The following KCTD16 variants were observed in gnomAD, a reference collection of about 807,000 sequenced individuals.
KCTD16 encodes the protein BTB/POZ domain-containing protein KCTD16.
A neutral mutation model predicts 33.2 loss-of-function variants in KCTD16; 13 were observed. That is an observed-to-expected ratio of 0.39 (90% CI 0.25 to 0.62). The LOEUF is 0.62. Ranked by LOEUF, KCTD16 falls within the 20% of genes least tolerant of loss-of-function variation. The probability of loss-of-function intolerance (pLI) is 0.50; values close to 1 mark genes in which losing one functional copy is unlikely to be tolerated. For synonymous variants in KCTD16, 197 were observed against 195.3 expected (o/e 1.01, Z -0.07); for missense variants, 441 against 525.1 (o/e 0.84, Z 1.57).
chr5:144,174,869 A>G (rs372641345), intron 2 of KCTD16, among the ~76,000 whole-genome samples: 1 of 152,226 alleles, frequency 6.6e-6, no homozygotes, highest in Admixed American at 6.5e-5. Context: ...TTTTCATTGT[A>G]GAGATCAAAA....
chr5:144,310,490 G>A (rs2126877082), intron 3 of KCTD16, among the ~76,000 whole-genome samples: 1 of 152,116 alleles, frequency 6.6e-6, no homozygotes, highest in Non-Finnish European at 1.5e-5. Context: ...GTTTTCTATA[G>A]TGGCTATGCT....
intron 3 of KCTD16, among the ~76,000 whole-genome samples, chr5:144,455,451 T>G (rs996909125): frequency 2.6e-5 from 4 of 152,128 alleles, no homozygotes; most frequent in African/African-American, 9.7e-5. Flanking sequence ...GGCAGATAAT[T>G]TGGGAACCAA....
chr5:144,430,088 A>T (rs1378449127), intron 3 of KCTD16, among the ~76,000 whole-genome samples: 2 of 152,128 alleles, frequency 1.3e-5, no homozygotes, highest in East Asian at 3.9e-4. Flanking sequence ...AGCTGAATCT[A>T]TATGATATCT....
intron 3 of KCTD16, among the ~76,000 whole-genome samples, chr5:144,393,489 A>G (rs1752496216): frequency 6.6e-6 from 1 of 152,134 alleles, no homozygotes; most frequent in Non-Finnish European, 1.5e-5. Context: ...CCCCTAGGCA[A>G]CAAGTATAAT....
intron 3 of KCTD16, among the ~76,000 whole-genome samples, chr5:144,339,708 T>TCCTTC (rs1752579973): frequency 6.6e-6 from 1 of 152,202 alleles, no homozygotes; most frequent in African/African-American, 2.4e-5. Context: ...ATGCTTGCTT[T>TCCTTC]CCTTCCTCTC....
At chr5:144,446,665 A>G (rs1425130621) in intron 3 of KCTD16, among the ~76,000 whole-genome samples, 1 of 152,166 alleles carries the variant, frequency 6.6e-6, no homozygotes, top group Non-Finnish European at 1.5e-5. Flanking sequence ...CATCTGACAA[A>G]GGGCTAATAA....
intron 3 of KCTD16, among the ~76,000 whole-genome samples, chr5:144,280,121 GT>G (rs377286277): frequency 1.4e-4 from 21 of 152,176 alleles, no homozygotes; most frequent in African/African-American, 5.1e-4. Flanking sequence ...TTGGTCTGTA[GT>G]TTTTATTTCT....
intron 3 of KCTD16, among the ~76,000 whole-genome samples, chr5:144,417,317 G>A (rs1561600506): frequency 6.6e-6 from 1 of 151,902 alleles, no homozygotes; most frequent in Non-Finnish European, 1.5e-5. Flanking sequence ...TTATATTAGT[G>A]GATATCAAAT....
intron 3 of KCTD16, among the ~76,000 whole-genome samples, chr5:144,244,085 A>C (rs1580815653): frequency 6.6e-6 from 1 of 151,980 alleles, no homozygotes; most frequent in Admixed American, 6.6e-5. Context: ...ACTCTTTGGG[A>C]GTATTCTAAC....
At chr5:144,364,354 C>G (rs1241377055) in intron 3 of KCTD16, among the ~76,000 whole-genome samples, 1 of 151,920 alleles carries the variant, frequency 6.6e-6, no homozygotes, top group African/African-American at 2.4e-5. Context: ...TTTTTGTTTT[C>G]TCTCTACCTC....
At chr5:144,325,128 C>T (rs554235136) in intron 3 of KCTD16, among the ~76,000 whole-genome samples, 11 of 152,192 alleles carry the variant, frequency 7.2e-5, no homozygotes, top group South Asian at 6.2e-4. Context: ...ATGATGGCAA[C>T]GAAAGAGTTT....
intron 3 of KCTD16, among the ~76,000 whole-genome samples, chr5:144,361,441 G>T (rs111398704): frequency 2.0e-5 from 3 of 152,118 alleles, no homozygotes; most frequent in African/African-American, 7.2e-5. Flanking sequence ...ACTGTGTCCT[G>T]GTCCTGGTTT....
chr5:144,199,186 GTA>G (rs1491570545), intron 2 of KCTD16, among the ~76,000 whole-genome samples: 119 of 152,216 alleles, frequency 7.8e-4, no homozygotes, highest in African/African-American at 2.8e-3. Context: ...CATTCCACTT[GTA>G]TCTGTTGCAT....
intron 3 of KCTD16, among the ~76,000 whole-genome samples, chr5:144,388,413 A>G (rs1370822070): frequency 6.6e-6 from 1 of 152,076 alleles, no homozygotes; most frequent in Non-Finnish European, 1.5e-5. Context: ...TGAACTTTAT[A>G]TTGCTTTTCT....
intron 3 of KCTD16, among the ~76,000 whole-genome samples, chr5:144,243,090 A>C (rs892763558): frequency 6.6e-6 from 1 of 152,126 alleles, no homozygotes; most frequent in African/African-American, 2.4e-5. Context: ...ATGTTTTCTC[A>C]TAATTAGACT....
At chr5:144,200,958 G>A (rs181601900) in intron 2 of KCTD16, among the ~76,000 whole-genome samples, 4 of 152,142 alleles carry the variant, frequency 2.6e-5, no homozygotes, top group African/African-American at 7.2e-5. Context: ...GTTGCCCAGC[G>A]TGGTCTCAAA....
intron 3 of KCTD16, among the ~76,000 whole-genome samples, chr5:144,428,886 G>T (rs1753394729): frequency 2.0e-5 from 3 of 152,272 alleles, no homozygotes; most frequent in African/African-American, 7.2e-5. Context: ...GTGTTCTTAA[G>T]CTGAACACAA....
intron 3 of KCTD16, among the ~76,000 whole-genome samples, chr5:144,215,791 A>G (rs926411240): frequency 6.6e-6 from 1 of 152,264 alleles, no homozygotes; most frequent in Non-Finnish European, 1.5e-5. Context: ...TCCTTTAAAT[A>G]ACATATATGA....
At chr5:144,356,395 C>T (rs76361473) in intron 3 of KCTD16, among the ~76,000 whole-genome samples, 2,838 of 151,972 alleles carry the variant, frequency 0.019, 79 homozygotes, top group African/African-American at 0.065. Flanking sequence ...TGTATATTTG[C>T]AATATAACAA....
Sources: allele counts gnomAD v4.1 joint callset (sites outside exome capture counted in the v4.1 genomes callset), GRCh38; gene constraint gnomAD v4.1.1; transcripts MANE v1.5; gene names NCBI Gene and HGNC (gene_info 2026-07-23, HGNC 2026-07-21).